Variants in MYH15 observed in about 807,000 individuals in gnomAD.
MYH15 encodes myosin-15.
Under a neutral mutation model 240.5 loss-of-function variants are expected in MYH15, and 227 were observed. The observed-to-expected ratio is 0.94, with a 90% confidence interval of 0.85 to 1.05. The LOEUF (loss-of-function observed/expected upper bound fraction) is 1.05. Among genes scored for constraint, MYH15 ranks in the 50% least tolerant of loss-of-function variants. The pLI is 0.00. For missense variants in MYH15, 2,217 were observed against 2,247.5 expected (o/e 0.99, Z 0.27); for synonymous variants, 785 against 796.7 (o/e 0.99, Z 0.25).
At chr3:108,402,673 CT>C (rs1297285803) in intron 33 of MYH15, among the ~76,000 whole-genome samples, 1 of 152,200 alleles carries the variant, frequency 6.6e-6, no homozygotes, top group African/African-American at 2.4e-5. Flanking sequence ...CCAAAAACAC[CT>C]CTCTGGGTGT....
At chr3:108,516,992 T>C (rs1357321515) in intron 1 of MYH15, among the ~76,000 whole-genome samples, 5 of 152,148 alleles carry the variant, frequency 3.3e-5, no homozygotes, top group Non-Finnish European at 5.9e-5. Flanking sequence ...TTTCTAATGA[T>C]CTCCTGAAGA....
intron 5 of MYH15, among the ~76,000 whole-genome samples, chr3:108,498,889 C>G (rs868227221): frequency 2.6e-5 from 4 of 152,362 alleles, no homozygotes; most frequent in Middle Eastern, 3.4e-3. Context: ...GAGTCTCAGC[C>G]ACCATGCTGA....
At chr3:108,495,658 G>C (rs2083384091) in intron 7 of MYH15, 122 bp downstream of exon 7, 1 of 566,186 alleles carries the variant, frequency 1.8e-6, no homozygotes, top group Admixed American at 3.5e-5. Context: ...TAACATTACA[G>C]ACTTTAATCA....
At chr3:108,395,806 G>C (rs1461192261) in intron 35 of MYH15, among the ~76,000 whole-genome samples, 1 of 152,130 alleles carries the variant, frequency 6.6e-6, no homozygotes, top group South Asian at 2.1e-4. Context: ...AGCTAAGAAG[G>C]CTCCCTAAAA....
chr3:108,533,536 G>A (rs1369570545), upstream of MYH15, among the ~76,000 whole-genome samples: 2 of 152,116 alleles, frequency 1.3e-5, no homozygotes, highest in African/African-American at 4.8e-5. Flanking sequence ...TACAAATATT[G>A]GTTATGATGA....
intron 25 of MYH15, among the ~76,000 whole-genome samples, chr3:108,435,636 G>A (rs1301201253): frequency 6.8e-6 from 1 of 147,868 alleles, no homozygotes; most frequent in Non-Finnish European, 1.5e-5. Context: ...TTTCCACATG[G>A]CAGGGGTTTC....
At chr3:108,534,872 T>C in the MYH15 span, among the ~76,000 whole-genome samples, 1 of 151,916 alleles carries the variant, frequency 6.6e-6, no homozygotes, top group African/African-American at 2.4e-5. Context: ...GAGTGAAACA[T>C]TGTCTCTTAA....
chr3:108,412,273 G>A (rs574238940), intron 30 of MYH15, among the ~76,000 whole-genome samples: 10 of 152,244 alleles, frequency 6.6e-5, no homozygotes, highest in African/African-American at 1.7e-4. Flanking sequence ...TCATGACAGC[G>A]AGTAAGTTCT....
chr3:108,545,702 C>T, the MYH15 span, among the ~76,000 whole-genome samples: 2 of 96,864 alleles, frequency 2.1e-5, no homozygotes, highest in Admixed American at 1.3e-4. Context: ...CATACACACA[C>T]ACACACACAC....
chr3:108,384,697 A>T lies in MYH15; in HGVS notation c.5621T>A (p.Val1874Asp). The change falls in exon 39 of 41, where the codon GTC becomes GAC. Residue 1874 changes from valine to aspartate, a missense_variant. Physicochemically the swap from Val to Asp is radical, Grantham distance 152. Coordinates refer to ENST00000693548, the MANE Select transcript of MYH15 (RefSeq NM_014981.3). ...TCCCCAGGCACTCACCGCCACCTCG[A>T]CTTGCTGCTTGTAATTTTGCACTTT... Reference protein sequence around the residue: ...QLKVQNYKQQVEVAETQANQY... With the variant: ...QLKVQNYKQQDEVAETQANQY... The T allele has an allele frequency of 6.2e-7, 1 of 1,613,486 alleles. No individual in the cohort carries two copies. The highest frequency in any genetic ancestry group is 2.2e-5 in the East Asian group (1 of 44,858).
chr3:108,383,850 A>G (rs1477951859), intron 39 of MYH15, 121 bp from the exon 40 acceptor site: 41 of 752,292 alleles, frequency 5.5e-5, no homozygotes, highest in Non-Finnish European at 7.0e-5. Flanking sequence ...CTGAGTATTG[A>G]ATGGGATATC....
At chr3:108,384,807 A>G (rs1421604472) in intron 38 of MYH15, 25 bp from the exon 39 acceptor site, 1 of 1,598,846 alleles carries the variant, frequency 6.3e-7, no homozygotes, top group Non-Finnish European at 8.6e-7. Context: ...CATGTATGGG[A>G]AGGTGATTCA....
chr3:108,508,582 T>A (rs1214187247), intron 1 of MYH15, among the ~76,000 whole-genome samples: 2 of 152,236 alleles, frequency 1.3e-5, no homozygotes, highest in Non-Finnish European at 2.9e-5. Flanking sequence ...AATATGTGCT[T>A]ATTGAAGAAA....
chr3:108,527,542 A>G (rs535576107), intron 1 of MYH15, among the ~76,000 whole-genome samples: 1 of 152,206 alleles, frequency 6.6e-6, no homozygotes, highest in Non-Finnish European at 1.5e-5. Context: ...TTTTAAAAAA[A>G]TCATCTCCTA....
At chr3:108,401,014 C>G (rs1370228360) in intron 33 of MYH15, among the ~76,000 whole-genome samples, 1 of 152,034 alleles carries the variant, frequency 6.6e-6, no homozygotes. Context: ...CTCTGCCAAC[C>G]CCATCTCCCT....
chr3:108,500,060 CAT>C, intron 4 of MYH15, 56 bp downstream of exon 4: 1 of 1,551,034 alleles, frequency 6.4e-7, no homozygotes. Flanking sequence ...CTCTTAGGGA[CAT>C]AGAGAAAAAG....
intron 1 of MYH15, among the ~76,000 whole-genome samples, chr3:108,527,193 G>A (rs543916333): frequency 3.7e-4 from 57 of 152,236 alleles, no homozygotes; most frequent in African/African-American, 1.3e-3. Context: ...ATCTCACTTT[G>A]AGAACTACTG....
At position 108,460,306 on chromosome 3, in the gene MYH15, C is replaced by T; in HGVS notation, c.1926G>A (p.Leu642=). The T allele has an allele frequency of 6.3e-7, 1 of 1,595,372 alleles. No individual in the cohort carries two copies. The highest frequency in any genetic ancestry group is 1.1e-5 in the South Asian group (1 of 87,294). ...AGACGCAATTAAAAATTACTTTATGCAGAGATGCAACCGTTTGGAATGAAG... is the reference window on the plus strand; with the variant it reads ...AGACGCAATTAAAAATTACTTTATGTAGAGATGCAACCGTTTGGAATGAAG... ...KGASFQTVAS[L]HKENLNKLMT... is the part of the protein sequence containing the mutation. Residue 642 remains leucine, a synonymous_variant, in exon 17 of 41, where the codon CTG becomes CTA. Transcript: ENST00000693548.
intron 16 of MYH15, 133 bp from the exon 17 acceptor site, chr3:108,460,500 CA>C (rs2083063252): frequency 1.8e-6 from 1 of 552,464 alleles, no homozygotes; most frequent in Admixed American, 3.7e-5. Flanking sequence ...CCAAAAGCTT[CA>C]AAATATTTAT....
Sources: gnomAD v4.1 joint callset for allele counts (sites outside exome capture counted in the v4.1 genomes callset) on GRCh38, gnomAD v4.1.1 for gene constraint, MANE v1.5 for transcripts, NCBI Gene and HGNC (gene_info 2026-07-23, HGNC 2026-07-21) for gene names.